The following TG variants were observed in gnomAD, a reference collection of about 807,000 sequenced individuals.
TG encodes thyroglobulin.
A neutral mutation model predicts 324.7 loss-of-function variants in TG; 270 were observed. The ratio of observed to expected loss-of-function variants is 0.83; its 90% CI spans 0.75 to 0.92. TG has a LOEUF of 0.92. Ranked by LOEUF, TG falls within the 40% of genes least tolerant of loss-of-function variation. The probability of loss-of-function intolerance (pLI) is 0.00; values close to 1 mark genes in which losing one functional copy is unlikely to be tolerated. For synonymous variants in TG, 1,401 were observed against 1,327.0 expected, an observed-to-expected ratio of 1.06 and a Z score of -1.21; for missense variants, 3,591 against 3,456.4, an observed-to-expected ratio of 1.04 and a Z score of -0.98.
chr8:133,051,164 G>A (rs1840340556), intron 41 of TG, among the ~76,000 whole-genome samples: 1 of 152,184 alleles, frequency 6.6e-6, no homozygotes, highest in South Asian at 2.1e-4. Flanking sequence ...GTTCTCATCT[G>A]AGAAATGGGA....
chr8:133,074,165 T>C (rs1275803738), intron 41 of TG, among the ~76,000 whole-genome samples: 5 of 152,318 alleles, frequency 3.3e-5, no homozygotes, highest in Admixed American at 2.0e-4. Flanking sequence ...GTTTTCAGAA[T>C]TTATATACTT....
At chr8:132,899,238 G>A (rs1051956287) in intron 14 of TG, among the ~76,000 whole-genome samples, 2 of 152,194 alleles carry the variant, frequency 1.3e-5, no homozygotes, top group African/African-American at 2.4e-5. Flanking sequence ...TTTCCTAAAG[G>A]CATCTTGGCC....
chr8:132,982,094 CGTTTACTATATGATCAGAGCTGCACCA>C, intron 34 of TG, among the ~76,000 whole-genome samples: 1 of 152,246 alleles, frequency 6.6e-6, no homozygotes, highest in South Asian at 2.1e-4. Context: ...ATGTATTGAA[CGTTTACTATATGATCAGAGCTGCACCA>C]GTATCAGCTC....
chr8:133,067,010 G>A (rs974873865), intron 41 of TG, among the ~76,000 whole-genome samples: 4 of 152,124 alleles, frequency 2.6e-5, no homozygotes, highest in Non-Finnish European at 5.9e-5. Context: ...CCATTTTCCC[G>A]CCGTGACTGT....
intron 30 of TG, among the ~76,000 whole-genome samples, chr8:132,967,460 C>T (rs1450741727): frequency 6.6e-6 from 1 of 152,178 alleles, no homozygotes; most frequent in African/African-American, 2.4e-5. Context: ...AGTCCTGTGA[C>T]CTCTGGTCTG....
intron 41 of TG, chr8:133,087,855 C>T (rs368294475): frequency 8.5e-5 from 13 of 152,080 alleles, no homozygotes; most frequent in Non-Finnish European, 1.8e-4. Context: ...TGAGACAGCA[C>T]GGAATCATGG....
At chr8:133,102,519 G>A (rs1188102748) in intron 43 of TG, 5 of 1,549,766 alleles carry the variant, frequency 3.2e-6, no homozygotes, top group Non-Finnish European at 4.4e-6. Flanking sequence ...GGCCCACCCA[G>A]GGGGTCCCAA....
intron 18 of TG, 28 bp from the exon 19 acceptor site, chr8:132,911,349 T>G: frequency 6.2e-7 from 1 of 1,614,098 alleles, no homozygotes; most frequent in Non-Finnish European, 8.5e-7. Context: ...TCTGTGTTCT[T>G]GAGCTGAAAG....
rs771757736 is a variant in TG, at chr8:132,887,328, A to G, written c.1956A>G (p.Arg652=). 5.6e-6 allele frequency: 9 copies of G among 1,611,102 alleles called. No individual in the cohort carries two copies. Among genetic ancestry groups the G allele is most frequent in the Non-Finnish European group, 6.8e-6 (8 of 1,177,568 alleles). ...AAGAGCTTCCAGGCTCAAGAGTCAG[A>G]GGTGGACAGCCAAGGTGCCCCACAG... ...WGKELPGSRV[R]GGQPRCPTDC... The change falls in exon 9 of 48, where the codon AGA becomes AGG. Residue 652 remains arginine (R), a synonymous_variant. Transcript: ENST00000220616.
At chr8:133,041,701 A>C (rs1352466329) in intron 41 of TG, among the ~76,000 whole-genome samples, 5 of 150,468 alleles carry the variant, frequency 3.3e-5, no homozygotes, top group Non-Finnish European at 7.4e-5. Context: ...AAGAACCACC[A>C]CTCATAAGCA....
chr8:132,925,778 C>T (rs915117045), intron 22 of TG, among the ~76,000 whole-genome samples: 7 of 152,172 alleles, frequency 4.6e-5, no homozygotes, highest in Non-Finnish European at 8.8e-5. Flanking sequence ...TCTGAGCTCT[C>T]TTTGCATCTC....
intron 41 of TG, among the ~76,000 whole-genome samples, chr8:133,042,638 C>A (rs1838471419): frequency 7.4e-6 from 1 of 134,940 alleles, no homozygotes; most frequent in Non-Finnish European, 1.5e-5. Flanking sequence ...TGCTAGATGT[C>A]AATTCAAACC....
intron 35 of TG, among the ~76,000 whole-genome samples, chr8:133,008,800 T>C (rs1290870719): frequency 6.6e-6 from 1 of 152,240 alleles, no homozygotes; most frequent in Non-Finnish European, 1.5e-5. Context: ...ACCCACCTCA[T>C]TGGTTATCAT....
intron 35 of TG, chr8:133,001,688 G>C (rs1220013582): frequency 1.8e-5 from 17 of 940,668 alleles, no homozygotes; most frequent in Non-Finnish European, 2.2e-5. Context: ...GGAGACGTGA[G>C]CTGGGCTCTT....
chr8:132,966,554 T>C lies in TG; in HGVS notation c.5549-6T>C. The C allele has an allele frequency of 6.2e-7, 1 of 1,614,116 alleles. No individual in the cohort carries two copies. The highest frequency in any genetic ancestry group is 8.5e-7 in the Non-Finnish European group (1 of 1,180,000). On this transcript the variant is annotated splice_polypyrimidine_tract_variant and splice_region_variant and intron_variant, in intron 29 of 47. Coordinates refer to ENST00000220616, the MANE Select transcript of TG (RefSeq NM_003235.5). ...GCAGGAAGTTGACTCCCTGCTTCTT[T>C]TTCAGGTTTGACAACAGAACTTTTC... is the stretch of plus-strand genomic sequence containing the variant.
intron 2 of TG, among the ~76,000 whole-genome samples, chr8:132,869,404 T>C (rs997469733): frequency 6.6e-6 from 1 of 152,126 alleles, no homozygotes; most frequent in Admixed American, 6.5e-5. Flanking sequence ...CTTTACCCTC[T>C]GCAGCCTCAT....
chr8:132,878,264 T>C (rs1386476843), intron 5 of TG, among the ~76,000 whole-genome samples: 1 of 152,162 alleles, frequency 6.6e-6, no homozygotes, highest in Non-Finnish European at 1.5e-5. Flanking sequence ...GGGGACCATC[T>C]GACTTGACAA....
At position 132,911,478 on chromosome 8, in the gene TG, G is replaced by A; in HGVS notation, c.4104G>A (p.Trp1368Ter). The change falls in exon 19 of 48, where the codon TGG (tryptophan) becomes TGA (stop). Residue 1368 changes from tryptophan (W) to a stop codon, truncating the protein, a stop_gained. Transcript: ENST00000220616. LOFTEE classifies it high-confidence loss of function. ...AGCGTTTAGGAGTGAATGTTACATG[G>A]AAATCACGGCTTGAGGACATCCCAG... ...TRERLGVNVT[W>*]KSRLEDIPVA... 3 of 1,614,220 alleles carry A rather than the reference G, an allele frequency of 1.9e-6. No homozygotes were observed. The South Asian group carries it at 3.3e-5, about 18-fold the overall frequency.
At chr8:133,044,438 G>A (rs1838913666) in intron 41 of TG, among the ~76,000 whole-genome samples, 1 of 152,044 alleles carries the variant, frequency 6.6e-6, no homozygotes, top group African/African-American at 2.4e-5. Context: ...TAGTCTTTAG[G>A]AGCCTGTTGA....
Sources: allele counts gnomAD v4.1 joint callset (sites outside exome capture counted in the v4.1 genomes callset), GRCh38; gene constraint gnomAD v4.1.1; transcripts MANE v1.5; gene names NCBI Gene and HGNC (gene_info 2026-07-23, HGNC 2026-07-21).